Variants in SOX5 observed in about 807,000 individuals in gnomAD.
SOX5 encodes SRY-box transcription factor 5.
SOX5 carries 9 observed loss-of-function variants against 92.0 expected under a neutral mutation model. That is an observed-to-expected ratio of 0.10 (90% CI 0.06 to 0.17). SOX5 has a LOEUF of 0.17. Ranked by LOEUF, SOX5 falls within the 10% of genes least tolerant of loss-of-function variation. The pLI, the probability that SOX5 is intolerant of heterozygous loss-of-function variation, is 1.00. For synonymous variants in SOX5, 344 were observed against 336.3 expected (o/e 1.02, Z -0.25); for missense variants, 642 against 944.5 (o/e 0.68, Z 4.20).
chr12:23,572,116 T>C (rs1006270996), intron 10 of SOX5, among the ~76,000 whole-genome samples: 3 of 152,218 alleles, frequency 2.0e-5, no homozygotes, highest in Non-Finnish European at 4.4e-5. Flanking sequence ...AGCATTCTTA[T>C]AGAATACACT....
chr12:23,840,984 T>C (rs542534281), intron 3 of SOX5, among the ~76,000 whole-genome samples: 1 of 152,186 alleles, frequency 6.6e-6, no homozygotes, highest in South Asian at 2.1e-4. Flanking sequence ...CAATTAATAA[T>C]TAGATTTTAT....
chr12:24,363,798 A>G (rs1300630042), intron 2 of SOX5, among the ~76,000 whole-genome samples: 1 of 152,146 alleles, frequency 6.6e-6, no homozygotes, highest in Non-Finnish European at 1.5e-5. Flanking sequence ...GATTTAGAAT[A>G]CCTATGGAAC....
chr12:23,986,374 CA>C (rs1453280768), intron 4 of SOX5, among the ~76,000 whole-genome samples: 1 of 151,970 alleles, frequency 6.6e-6, no homozygotes, highest in Non-Finnish European at 1.5e-5. Flanking sequence ...ACTATCAAGA[CA>C]CATGTATAAA....
At chr12:24,012,230 T>C (rs879650346) in intron 4 of SOX5, among the ~76,000 whole-genome samples, 2 of 152,322 alleles carry the variant, frequency 1.3e-5, no homozygotes, top group Non-Finnish European at 2.9e-5. Context: ...CTTCTTTCCA[T>C]AGTAACACAG....
At chr12:23,699,446 G>A (rs11047051) in intron 6 of SOX5, among the ~76,000 whole-genome samples, 27,403 of 152,130 alleles carry the variant, frequency 0.18, 2,591 homozygotes, top group African/African-American at 0.2. Context: ...ATTTGTGATT[G>A]CAGCTACTAT....
At chr12:24,098,599 T>C (rs553639846) in intron 4 of SOX5, among the ~76,000 whole-genome samples, 2 of 152,290 alleles carry the variant, frequency 1.3e-5, no homozygotes, top group South Asian at 4.1e-4. Context: ...CTAAATATTG[T>C]TCTTGAATAT....
intron 4 of SOX5, among the ~76,000 whole-genome samples, chr12:24,113,516 A>G (rs1947621371): frequency 1.3e-5 from 2 of 152,158 alleles, no homozygotes; most frequent in Non-Finnish European, 2.9e-5. Context: ...ACAATATAAA[A>G]CCTTAATTAT....
chr12:23,617,848 G>A (rs751401699), intron 8 of SOX5, among the ~76,000 whole-genome samples: 13 of 151,846 alleles, frequency 8.6e-5, no homozygotes, highest in African/African-American at 1.7e-4. Flanking sequence ...TATATTTTGC[G>A]AGAGTCATGT....
At chr12:24,548,107 T>G (rs1480351347) in intron 1 of SOX5, among the ~76,000 whole-genome samples, 1 of 152,210 alleles carries the variant, frequency 6.6e-6, no homozygotes. Flanking sequence ...AATGTAATTA[T>G]ACCCATTCTG....
At chr12:24,392,491 A>G (rs1415746104) in intron 1 of SOX5, among the ~76,000 whole-genome samples, 1 of 152,024 alleles carries the variant, frequency 6.6e-6, no homozygotes, top group African/African-American at 2.4e-5. Flanking sequence ...TTCTCTCCCC[A>G]GAGTCTCCCC....
intron 3 of SOX5, among the ~76,000 whole-genome samples, chr12:24,240,364 T>C (rs1565728492): frequency 1.3e-5 from 2 of 152,184 alleles, no homozygotes; most frequent in African/African-American, 4.8e-5. Flanking sequence ...TGAAAATTCA[T>C]TGTGTCAGGT....
intron 8 of SOX5, among the ~76,000 whole-genome samples, chr12:23,631,334 G>A (rs1056553942): frequency 2.6e-5 from 4 of 151,918 alleles, no homozygotes; most frequent in Non-Finnish European, 5.9e-5. Flanking sequence ...CCAACAATTA[G>A]GCTGAAGAAC....
chr12:24,486,659 C>T (rs1946558278), intron 1 of SOX5, among the ~76,000 whole-genome samples: 2 of 152,166 alleles, frequency 1.3e-5, no homozygotes, highest in African/African-American at 4.8e-5. Flanking sequence ...AAATAAGACT[C>T]ATAGAATGTA....
At chr12:24,362,966 A>C (rs1212839192) in intron 2 of SOX5, among the ~76,000 whole-genome samples, 1 of 152,028 alleles carries the variant, frequency 6.6e-6, no homozygotes, top group Non-Finnish European at 1.5e-5. Flanking sequence ...TGCAAGACCC[A>C]ATTCCTCAAA....
At chr12:24,509,947 A>T (rs1949155458) in intron 1 of SOX5, among the ~76,000 whole-genome samples, 1 of 152,252 alleles carries the variant, frequency 6.6e-6, no homozygotes, top group South Asian at 2.1e-4. Context: ...ACTTTTATGG[A>T]TAAATTTCAA....
intron 6 of SOX5, among the ~76,000 whole-genome samples, chr12:23,688,914 G>A (rs926716189): frequency 5.3e-5 from 8 of 152,002 alleles, no homozygotes; most frequent in Non-Finnish European, 1.0e-4. Flanking sequence ...ATAGATGAGA[G>A]TATATCCTTT....
chr12:24,524,986 G>A (rs1241714471), intron 1 of SOX5, among the ~76,000 whole-genome samples: 1 of 152,138 alleles, frequency 6.6e-6, no homozygotes, highest in East Asian at 1.9e-4. Context: ...AAAAAGTACA[G>A]AGGCTCCTCA....
intron 3 of SOX5, among the ~76,000 whole-genome samples, chr12:23,829,722 A>G (rs901749740): frequency 2.6e-5 from 4 of 152,176 alleles, no homozygotes; most frequent in Non-Finnish European, 5.9e-5. Context: ...ACCTGATAGT[A>G]GACAAACTAA....
At chr12:24,115,371 C>T (rs1454152438) in intron 4 of SOX5, among the ~76,000 whole-genome samples, 8 of 152,172 alleles carry the variant, frequency 5.3e-5, no homozygotes, top group East Asian at 1.9e-4. Context: ...AATCAGTGTT[C>T]GAGCAGAATG....
Sources: allele counts gnomAD v4.1 joint callset (sites outside exome capture counted in the v4.1 genomes callset), GRCh38; gene constraint gnomAD v4.1.1; transcripts MANE v1.5; gene names NCBI Gene and HGNC (gene_info 2026-07-23, HGNC 2026-07-21).